Variants in HTT observed in about 807,000 individuals in gnomAD.
HTT encodes huntingtin, also known as huntington disease protein.
HTT carries 104 observed loss-of-function variants against 362.3 expected under a neutral mutation model. The ratio of observed to expected loss-of-function variants is 0.29; its 90% CI spans 0.24 to 0.34. The LOEUF (loss-of-function observed/expected upper bound fraction) is 0.34. Ranked by LOEUF, HTT falls within the 10% of genes least tolerant of loss-of-function variation. The pLI, the probability that HTT is intolerant of heterozygous loss-of-function variation, is 1.00. For missense variants in HTT, 3,301 were observed against 3,928.6 expected, an observed-to-expected ratio of 0.84 and a Z score of 4.27; for synonymous variants, 1,577 against 1,548.7, an observed-to-expected ratio of 1.02 and a Z score of -0.43.
intron 29 of HTT, among the ~76,000 whole-genome samples, chr4:3,162,449 A>G (rs986336027): frequency 1.3e-5 from 2 of 152,158 alleles, no homozygotes; most frequent in African/African-American, 4.8e-5. Context: ...GTTTTTTCCA[A>G]TTCTGTGAAG....
rs1009942141 is a variant in HTT, at chr4:3,139,577, A to G, written c.2799-933A>G. On this transcript the variant is annotated intron_variant, in intron 21 of 66. Transcript: ENST00000355072. ...AGGAAAGAGACTTTAATTGAAGATC[A>G]TGGGGCTTGCAGACCAATATGATAA... Among the ~76,000 whole-genome samples the G allele has an allele frequency of 3.3e-5, 5 of 152,368 alleles. No individual in the cohort carries two copies. The East Asian group carries it at 9.6e-4, about 29-fold the overall frequency.
In HTT at chr4:3,178,442, A is replaced by G; in HGVS notation, c.4608A>G (p.Thr1536=). ...GIMASGRKAV[T]HAIPALQPIV... The stretch of plus-strand genomic sequence containing the variant: ...TGGCCAGTGGAAGGAAGGCTGTGAC[A>G]CATGGTAACGGGACACACCTTTCAC... The change falls in exon 35 of 67, where the codon ACA becomes ACG. Residue 1536 remains threonine, a synonymous_variant. Coordinates refer to ENST00000355072, the MANE Select transcript of HTT (RefSeq NM_001388492.1). 6 of 1,613,424 alleles carry G rather than the reference A, an allele frequency of 3.7e-6. No individual in the cohort carries two copies. Among genetic ancestry groups the G allele is most frequent in the Non-Finnish European group, 5.1e-6 (6 of 1,179,660 alleles).
chr4:3,231,880 A>T (rs1187834671), intron 60 of HTT, among the ~76,000 whole-genome samples: 9 of 152,140 alleles, frequency 5.9e-5, no homozygotes, highest in Admixed American at 5.9e-4. Context: ...AATGAGAAAT[A>T]ATCATTTTGA....
At chr4:3,203,644 A>G (rs916953775) in intron 41 of HTT, among the ~76,000 whole-genome samples, 1 of 152,240 alleles carries the variant, frequency 6.6e-6, no homozygotes, top group Non-Finnish European at 1.5e-5. Flanking sequence ...GGCAGTTGGC[A>G]ACTTTCACGG....
intron 41 of HTT, chr4:3,203,054 C>G (rs1443224749): frequency 6.6e-6 from 1 of 152,200 alleles, no homozygotes; most frequent in African/African-American, 2.4e-5. Context: ...CCTTCTGAGT[C>G]TGGCCCCTTT....
At chr4:3,169,492 G>A (rs759276416) in intron 29 of HTT, among the ~76,000 whole-genome samples, 1 of 151,290 alleles carries the variant, frequency 6.6e-6, no homozygotes, top group Non-Finnish European at 1.5e-5. Flanking sequence ...TTCTATTATT[G>A]TGTTTTCAAG....
chr4:3,159,981 T>C (rs1352690486), intron 28 of HTT, among the ~76,000 whole-genome samples: 2 of 152,248 alleles, frequency 1.3e-5, no homozygotes, highest in African/African-American at 4.8e-5. Context: ...CTGATTATGA[T>C]GGACATTTAA....
At chr4:3,169,382 G>A (rs976267052) in intron 29 of HTT, among the ~76,000 whole-genome samples, 8 of 152,028 alleles carry the variant, frequency 5.3e-5, no homozygotes, top group African/African-American at 1.9e-4. Context: ...CTCTCTTAAA[G>A]GGGCTGTGAT....
intron 8 of HTT, among the ~76,000 whole-genome samples, chr4:3,120,345 T>C (rs565682264): frequency 1.5e-3 from 226 of 152,330 alleles, no homozygotes; most frequent in African/African-American, 5.1e-3. Flanking sequence ...TTGAGTGCCT[T>C]GTATTTTATC....
chr4:3,168,459 C>T (rs546233334), intron 29 of HTT, among the ~76,000 whole-genome samples: 62 of 152,294 alleles, frequency 4.1e-4, no homozygotes, highest in African/African-American at 1.4e-3. Flanking sequence ...AAAATAGAAT[C>T]ATTTTCTTTT....
rs899078881 is a variant in HTT, at chr4:3,228,203, C to A, written c.7849-412C>A. On this transcript the variant is annotated intron_variant, in intron 57 of 66. Coordinates refer to ENST00000355072, the MANE Select transcript of HTT (RefSeq NM_001388492.1). This position sits in a 1 kb window ranked among gnomAD's most constrained non-coding sequence, Gnocchi z 4.3. ...TGATCTAGAGCGCGGGTCACAAAGG[C>A]GCGAGGGAGCTCTGGCCTTGGGTTT... Among the ~76,000 whole-genome samples, 3 of 152,146 alleles carry A rather than the reference C, an allele frequency of 2.0e-5. No individual in the cohort carries two copies. Among genetic ancestry groups the A allele is most frequent in the Admixed American group, 1.3e-4 (2 of 15,282 alleles).
rs1331039650 is a variant in HTT at position 3,140,601 on chromosome 4, C to G, written c.2890C>G (p.Leu964Val). The G allele has an allele frequency of 1.2e-6, 2 of 1,614,044 alleles. No individual in the cohort carries two copies. The highest frequency in any genetic ancestry group is 1.7e-6 in the Non-Finnish European group (2 of 1,179,974). Reference sequence around the variant, plus strand: ...AGATCAAAGCAGTGTTTACCTGAAACTTCTCATGCATGAGACGCAGCCTCC... The same window carrying G: ...AGATCAAAGCAGTGTTTACCTGAAAGTTCTCATGCATGAGACGCAGCCTCC... ...ARDQSSVYLK[L>V]LMHETQPPSH... Residue 964 changes from leucine (L) to valine (V), a missense_variant, in exon 22 of 67, where the codon CTT becomes GTT. This residue lies in a region of HTT where 2,316 missense variants were observed against 2,658.5 expected (regional missense o/e 0.87). Transcript: ENST00000355072.
chr4:3,167,963 T>G (rs1183634834), intron 29 of HTT, among the ~76,000 whole-genome samples: 1 of 152,230 alleles, frequency 6.6e-6, no homozygotes, highest in Admixed American at 6.5e-5. Context: ...ATTTTAGCTT[T>G]CTCGCATATC....
chr4:3,081,658 A>G (rs573835832), intron 1 of HTT, among the ~76,000 whole-genome samples: 190 of 146,752 alleles, frequency 1.3e-3, no homozygotes, highest in African/African-American at 4.8e-3. Context: ...TCCCAGGTTC[A>G]AGACATTCTC....
intron 2 of HTT, among the ~76,000 whole-genome samples, chr4:3,090,592 G>A (rs1237350291): frequency 1.3e-5 from 2 of 151,904 alleles, no homozygotes; most frequent in African/African-American, 4.8e-5. Flanking sequence ...CCAATATATC[G>A]AACTCTAAGG....
intron 44 of HTT, 49 bp from the exon 45 acceptor site, chr4:3,207,232 T>C (rs1405313930): frequency 1.3e-6 from 2 of 1,497,328 alleles, no homozygotes; most frequent in South Asian, 1.1e-5. Flanking sequence ...ATGAGGTTAT[T>C]TTGGGTTGTT....
Position 3,223,483 on chromosome 4 carries a change from G to A in HTT, c.7548G>A (p.Val2516=), listed in dbSNP as rs1160270360. ...CACTGGTGCTCAGTGCAATGACTGT[G>A]CCTGTGGCCGGCAACCCAGCTGTAA... is the stretch of plus-strand genomic sequence containing the variant. ...ITSLVLSAMT[V]PVAGNPAVSC... is the part of the protein sequence containing the mutation. Residue 2516 remains valine, a synonymous_variant, in exon 55 of 67, where the codon GTG becomes GTA. Transcript: ENST00000355072. 1.2e-6 allele frequency: 2 copies of A among 1,613,940 alleles called. No individual in the cohort carries two copies. The highest frequency in any genetic ancestry group is 1.7e-6 in the Non-Finnish European group (2 of 1,179,968).
chr4:3,146,181 A>G (rs1716589513), intron 24 of HTT, among the ~76,000 whole-genome samples: 1 of 152,208 alleles, frequency 6.6e-6, no homozygotes, highest in African/African-American at 2.4e-5. Flanking sequence ...ATGCTCAGTC[A>G]GCACCTCAGG....
chr4:3,108,085 C>G (rs758349566), intron 6 of HTT, among the ~76,000 whole-genome samples: 3 of 152,160 alleles, frequency 2.0e-5, no homozygotes, highest in Non-Finnish European at 4.4e-5. Context: ...CCCAACAGCT[C>G]TAAGCTATTT....
Sources: allele counts gnomAD v4.1 joint callset (sites outside exome capture counted in the v4.1 genomes callset), GRCh38; gene constraint gnomAD v4.1.1; regional missense constraint gnomAD v4.1.1; non-coding constraint Gnocchi (gnomAD v3.1); transcripts MANE v1.5; gene names NCBI Gene and HGNC (gene_info 2026-07-23, HGNC 2026-07-21).